The following CHMP2B variants were observed in gnomAD, a reference collection of about 807,000 sequenced individuals.
CHMP2B encodes the protein charged multivesicular body protein 2B, also known as VPS2 homolog B.
Under a neutral mutation model 29.8 loss-of-function variants are expected in CHMP2B, and 22 were observed. The ratio of observed to expected loss-of-function variants is 0.74; its 90% CI spans 0.53 to 1.05. The LOEUF (loss-of-function observed/expected upper bound fraction) is 1.05, where lower values mean the gene tolerates loss of function less well. Ranked by LOEUF, CHMP2B falls within the 50% of genes least tolerant of loss-of-function variation. CHMP2B has a pLI of 0.00. For synonymous variants in CHMP2B, 78 were observed against 75.8 expected (o/e 1.03, Z -0.15); for missense variants, 261 against 252.2 (o/e 1.03, Z -0.24).
At chr3:87,238,390 C>T (rs1279649476) in intron 1 of CHMP2B, among the ~76,000 whole-genome samples, 4 of 151,904 alleles carry the variant, frequency 2.6e-5, no homozygotes, top group Non-Finnish European at 5.9e-5. Flanking sequence ...GTGTTACCAC[C>T]ACCTGTATCT....
intron 4 of CHMP2B, among the ~76,000 whole-genome samples, chr3:87,251,840 T>C (rs1484534380): frequency 6.7e-6 from 1 of 148,686 alleles, no homozygotes; most frequent in Admixed American, 6.7e-5. Context: ...TCTATCTACT[T>C]CATTCATTTT....
At chr3:87,232,694 C>T (rs1705930711) in intron 1 of CHMP2B, among the ~76,000 whole-genome samples, 1 of 152,182 alleles carries the variant, frequency 6.6e-6, no homozygotes, top group Non-Finnish European at 1.5e-5. Context: ...CATTTCCTAT[C>T]TTCAGGTCCA....
intron 4 of CHMP2B, among the ~76,000 whole-genome samples, chr3:87,251,828 C>G (rs1287296887): frequency 6.6e-6 from 1 of 150,712 alleles, no homozygotes; most frequent in African/African-American, 2.4e-5. Flanking sequence ...TAATCTTTTT[C>G]TTCTATCTAC....
chr3:87,228,886 T>C (rs946898556), intron 1 of CHMP2B, among the ~76,000 whole-genome samples: 7 of 152,036 alleles, frequency 4.6e-5, no homozygotes, highest in Admixed American at 2.0e-4. Flanking sequence ...TTCAGTGTTT[T>C]AGCTGCCACT....
intron 1 of CHMP2B, among the ~76,000 whole-genome samples, chr3:87,236,693 A>AGGT (rs1291692025): frequency 2.6e-5 from 4 of 152,028 alleles, no homozygotes; most frequent in Admixed American, 2.0e-4. Context: ...CTCTACTAAA[A>AGGT]ATACCTAAAA....
In CHMP2B at chr3:87,240,683, T is replaced by G; in HGVS notation, c.35-16T>G. ...TTACAACCCATAAATTTAGGTTTCT[T>G]TTGTGATTCTCCTAGATGTAATAAA... On this transcript the variant is annotated splice_polypyrimidine_tract_variant and intron_variant, in intron 1 of 5. Coordinates refer to ENST00000263780, the MANE Select transcript of CHMP2B (RefSeq NM_014043.4). 6.4e-7 allele frequency: 1 copy of G among 1,562,300 alleles called. No individual in the cohort carries two copies. Among genetic ancestry groups the G allele is most frequent in the Non-Finnish European group, 8.8e-7 (1 of 1,132,992 alleles).
rs72924005 is a variant in CHMP2B, at chr3:87,233,391, T to G, written c.34+5835T>G. Among the ~76,000 whole-genome samples the G allele has an allele frequency of 7.4e-3, 1,123 of 152,318 alleles. 12 individuals carry two copies. The highest frequency in any genetic ancestry group is 0.026 in the African/African-American group (1,061 of 41,570). On this transcript the variant is annotated intron_variant, in intron 1 of 5. Transcript: ENST00000263780. The stretch of plus-strand genomic sequence containing the variant: ...GTTCCTAGAACCGGAACTTTCTGGA[T>G]AGTGACCTTTAATATTTCTTTTTAA...
chr3:87,253,353 C>A (rs746595208), intron 4 of CHMP2B, 51 bp from the exon 5 acceptor site: 1 of 1,070,434 alleles, frequency 9.3e-7, no homozygotes, highest in Non-Finnish European at 1.5e-6. Context: ...TAAGTCTAAC[C>A]TGAAGTTTGT....
At chr3:87,244,837 A>G (rs1230738068) in intron 2 of CHMP2B, among the ~76,000 whole-genome samples, 2 of 152,168 alleles carry the variant, frequency 1.3e-5, no homozygotes, top group African/African-American at 4.8e-5. Flanking sequence ...CAAATTGGTG[A>G]TAGTGTTTTT....
At chr3:87,235,040 T>G (rs1226981872) in intron 1 of CHMP2B, among the ~76,000 whole-genome samples, 5 of 152,236 alleles carry the variant, frequency 3.3e-5, no homozygotes, top group Admixed American at 2.0e-4. Flanking sequence ...TTTCAATGTA[T>G]ATGTTTGTAC....
chr3:87,233,505 CT>C (rs1559605436), intron 1 of CHMP2B, among the ~76,000 whole-genome samples: 1 of 152,026 alleles, frequency 6.6e-6, no homozygotes, highest in Non-Finnish European at 1.5e-5. Flanking sequence ...GCCAGGACTT[CT>C]TTTCACTTTA....
intron 5 of CHMP2B, 99 bp downstream of exon 5, chr3:87,253,609 CT>C (rs1385835562): frequency 7.4e-7 from 1 of 1,357,402 alleles, no homozygotes; most frequent in Non-Finnish European, 1.1e-6. Context: ...GTTTTTATTT[CT>C]GTTTCAAAAG....
chr3:87,248,202 G>T (rs1023158816), intron 3 of CHMP2B, among the ~76,000 whole-genome samples: 7 of 151,788 alleles, frequency 4.6e-5, no homozygotes, highest in African/African-American at 1.7e-4. Context: ...GGAGGCTGAG[G>T]CAAGAGAATT....
intron 1 of CHMP2B, among the ~76,000 whole-genome samples, chr3:87,239,934 A>G (rs78852591): frequency 1.1e-3 from 164 of 152,266 alleles, no homozygotes; most frequent in African/African-American, 3.7e-3. Flanking sequence ...GATCTGCCTC[A>G]TTGGAAAGTC....
At chr3:87,230,361 A>G (rs1705883238) in intron 1 of CHMP2B, among the ~76,000 whole-genome samples, 1 of 152,202 alleles carries the variant, frequency 6.6e-6, no homozygotes, top group Admixed American at 6.5e-5. Flanking sequence ...ATAAAATGAG[A>G]AAAGCAAAGG....
intron 1 of CHMP2B, among the ~76,000 whole-genome samples, chr3:87,227,912 G>A (rs1002765): frequency 0.27 from 40,353 of 152,018 alleles, 7,944 homozygotes; most frequent in African/African-American, 0.55. Context: ...TTGCTCTTCA[G>A]TTGGGCGATA....
At chr3:87,245,277 C>T (rs1277401443) in intron 2 of CHMP2B, among the ~76,000 whole-genome samples, 1 of 152,094 alleles carries the variant, frequency 6.6e-6, no homozygotes, top group Non-Finnish European at 1.5e-5. Context: ...GACAGTCTGT[C>T]TTACAGTTGA....
intron 3 of CHMP2B, 139 bp downstream of exon 3, chr3:87,246,047 A>G: frequency 1.5e-6 from 1 of 648,882 alleles, no homozygotes; most frequent in East Asian, 2.8e-5. Flanking sequence ...AATGAGTTAT[A>G]ATACTAGATA....
In CHMP2B at chr3:87,238,375, A is replaced by G. The variant is rs369724563; in HGVS notation, c.35-2324A>G. Among the ~76,000 whole-genome samples, 9 of 152,302 alleles carry G rather than the reference A, an allele frequency of 5.9e-5. No homozygotes were observed. The Middle Eastern group carries it at 0.014, about 230-fold the overall frequency. On this transcript the variant is annotated intron_variant, in intron 1 of 5. Coordinates refer to ENST00000263780, the MANE Select transcript of CHMP2B (RefSeq NM_014043.4). ...TCCTGTACCCATTAAGCAGTTCACA[A>G]TGGTGTGTTACCACCACCTGTATCT...
Sources: allele counts gnomAD v4.1 joint callset (sites outside exome capture counted in the v4.1 genomes callset), GRCh38; gene constraint gnomAD v4.1.1; transcripts MANE v1.5; gene names NCBI Gene and HGNC (gene_info 2026-07-23, HGNC 2026-07-21).